The following BOD1L1 variants were observed in gnomAD, a reference collection of about 807,000 sequenced individuals.
BOD1L1 encodes the protein biorientation of chromosomes in cell division 1 like 1, also known as biorientation of chromosomes in cell division protein 1-like 1.
A neutral mutation model predicts 240.7 loss-of-function variants in BOD1L1; 86 were observed. The observed-to-expected ratio is 0.36, with a 90% CI of 0.30 to 0.43. The LOEUF (loss-of-function observed/expected upper bound fraction) is 0.43. Among genes scored for constraint, BOD1L1 ranks in the 20% least tolerant of loss-of-function variants. The pLI is 1.00. For synonymous variants in BOD1L1, 1,268 were observed against 1,272.3 expected, an observed-to-expected ratio of 1.00 and a Z score of 0.07; for missense variants, 3,554 against 3,643.5, an observed-to-expected ratio of 0.98 and a Z score of 0.63.
chr4:13,577,779 A>C (rs1712889250), intron 22 of BOD1L1, 148 bp from the exon 23 acceptor site: 1 of 610,486 alleles, frequency 1.6e-6, no homozygotes, highest in African/African-American at 1.9e-5. Flanking sequence ...CAAAGATAGA[A>C]TCAGAATACC....
rs1364006580 is a variant in BOD1L1, at chr4:13,614,766, T to A, written c.604A>T (p.Met202Leu). The change falls in exon 4 of 26, where the codon ATG becomes TTG. Residue 202 changes from methionine to leucine, a missense_variant. Physicochemically the swap from Met to Leu is conservative, Grantham distance 15 (BLOSUM62 2). Coordinates refer to ENST00000040738, the MANE Select transcript of BOD1L1 (RefSeq NM_148894.3). ...GAAGTTATGGTTTCCAATATCGACA[T>A]GGCATCATTGGCTACATTAGCACTG... ...GPSANVANDA[M>L]SILETITSLN... 4 of 1,613,600 alleles carry A rather than the reference T, an allele frequency of 2.5e-6. No homozygotes were observed. Among genetic ancestry groups the A allele is most frequent in the Non-Finnish European group, 3.4e-6 (4 of 1,179,804 alleles).
Position 13,614,490 on chromosome 4 carries a change from T to C in BOD1L1, c.880A>G (p.Thr294Ala), listed in dbSNP as rs1375295762. Residue 294 changes from threonine (T) to alanine (A), a missense_variant, in exon 4 of 26, where the codon ACA becomes GCA. Thr to Ala is a moderately conservative substitution (Grantham distance 58). Coordinates refer to ENST00000040738, the MANE Select transcript of BOD1L1 (RefSeq NM_148894.3). ...AGAATTAAATTATTATGCTCTTTTG[T>C]GTAATTTTTAATTTCTTCGACTGGA... ...PCPVEEIKNY[T>A]KEHNNLILLN... is the part of the protein sequence containing the mutation. 6.2e-6 allele frequency: 10 copies of C among 1,613,778 alleles called. No homozygotes were observed. The highest frequency in any genetic ancestry group is 8.5e-6 in the Non-Finnish European group (10 of 1,179,864).
chr4:13,599,767 A>AG lies in BOD1L1; in HGVS notation c.7132dup (p.Leu2378ProfsTer4). 6.2e-7 allele frequency: 1 copy of AG among 1,613,980 alleles called. No homozygotes were observed. Among genetic ancestry groups the AG allele is most frequent in the Non-Finnish European group, 8.5e-7 (1 of 1,179,880 alleles). ...ACACCGACAGTTATTCTCAGCAATT[A>AG]GGCTGGGCATGGGGACCTTGTGCTT... On this transcript the variant is annotated frameshift_variant, in exon 10 of 26. Coordinates refer to ENST00000040738, the MANE Select transcript of BOD1L1 (RefSeq NM_148894.3). LOFTEE classifies it high-confidence loss of function.
rs1200994307 is a variant in BOD1L1 at position 13,600,733 on chromosome 4, G to A, written c.6167C>T (p.Thr2056Ile). 1 of 1,613,924 alleles carries A rather than the reference G, an allele frequency of 6.2e-7. No individual in the cohort carries two copies. Among genetic ancestry groups the A allele is most frequent in the Non-Finnish European group, 8.5e-7 (1 of 1,179,854 alleles). ...LMATTASGDITNQNSLAGGKN... is the reference protein window; with the variant it reads ...LMATTASGDIINQNSLAGGKN... ...ACCCCCTGCTAAGCTATTCTGGTTG[G>A]TAATATCACCACTGGCTGTAGTTGC... Residue 2056 changes from threonine (T) to isoleucine (I), a missense_variant, in exon 10 of 26, where the codon ACC (threonine) becomes ATC (isoleucine). Thr to Ile is a moderately conservative substitution (Grantham distance 89). Around this residue, in one of 2 missense-constraint regions of BOD1L1, gnomAD observed 3,393 missense variants for 3,427.1 expected, o/e 0.99. Transcript: ENST00000040738.
Position 13,614,213 on chromosome 4 carries a change from A to G in BOD1L1, c.1157T>C (p.Val386Ala), listed in dbSNP as rs1716393906. Reference sequence around the variant, plus strand: ...TTATATACCTTCTTTTGTCCCTTCAACAGTTTTAGCTTTATTACTGTTCTT... The same window carrying G: ...TTATATACCTTCTTTTGTCCCTTCAGCAGTTTTAGCTTTATTACTGTTCTT... ...SEKNSNKAKT[V>A]EGTKEDFSLI... The change falls in exon 4 of 26, where the codon GTT (valine) becomes GCT (alanine). Residue 386 changes from valine to alanine, a missense_variant. Val to Ala is a moderately conservative substitution (Grantham distance 64). Transcript: ENST00000040738. The G allele has an allele frequency of 5.3e-6, 8 of 1,509,854 alleles. No individual in the cohort carries two copies. The highest frequency in any genetic ancestry group is 7.1e-6 in the Non-Finnish European group (8 of 1,133,938). The allele number at this position is 1,509,854 out of a possible 1,614,324, so 93.5% of individuals were successfully genotyped here. A position where few individuals can be genotyped will look rare whatever the true frequency, so the allele number is the denominator to read the frequency against.
chr4:13,614,680 A>G lies in BOD1L1; in HGVS notation c.690T>C (p.Ser230=). Residue 230 remains serine (S), a synonymous_variant, in exon 4 of 26, where the codon AGT becomes AGC. Transcript: ENST00000040738. The stretch of plus-strand genomic sequence containing the variant: ...ATGGAAGTTTTTTTGACGCTCTCTC[A>G]CTGGTCTTGGCATTTGATGTTTCTG... ...ASTETSNAKT[S]ERASKKLPSQ... 6.2e-7 allele frequency: 1 copy of G among 1,613,870 alleles called. No homozygotes were observed. Among genetic ancestry groups the G allele is most frequent in the Non-Finnish European group, 8.5e-7 (1 of 1,179,850 alleles).
Position 13,619,927 on chromosome 4 carries a change from T to C in BOD1L1, c.368+16A>G, listed in dbSNP as rs747185633. 7 of 1,611,642 alleles carry C rather than the reference T, an allele frequency of 4.3e-6. No individual in the cohort carries two copies. In the East Asian group the frequency reaches 6.7e-5, roughly 15 times the overall value. On this transcript the variant is annotated intron_variant, in intron 2 of 25. Coordinates refer to ENST00000040738, the MANE Select transcript of BOD1L1 (RefSeq NM_148894.3). ...GACATTTAAAACCTGCCCAGAACTC[T>C]ATCTCTGAGACTTACTTGAGGACTT...
In BOD1L1 at chr4:13,610,068, G is replaced by T. The variant is rs148885943; in HGVS notation, c.1492-662C>A. ...GGCTAATCACTACTAGCATTTTGGG[G>T]TAGTTTCTTCAAATCATTTTCCTAT... is the stretch of plus-strand genomic sequence containing the variant. On this transcript the variant is annotated intron_variant, in intron 6 of 25. Coordinates refer to ENST00000040738, the MANE Select transcript of BOD1L1 (RefSeq NM_148894.3). 2.4e-3 allele frequency among the ~76,000 whole-genome samples: 366 copies of T among 152,252 alleles called. 1 individual carries two copies. Among genetic ancestry groups the T allele is most frequent in the African/African-American group, 7.8e-3 (324 of 41,560 alleles).
intron 5 of BOD1L1, among the ~76,000 whole-genome samples, chr4:13,612,397 A>G (rs1413818540): frequency 6.6e-6 from 1 of 152,184 alleles, no homozygotes; most frequent in Non-Finnish European, 1.5e-5. Flanking sequence ...GCAACATAAG[A>G]TATTGGTAAG....
In BOD1L1 at chr4:13,600,194, C is replaced by T. The variant is rs1204641116; in HGVS notation, c.6706G>A (p.Val2236Ile). Residue 2236 changes from valine (V) to isoleucine (I), a missense_variant, in exon 10 of 26, where the codon GTT (valine) becomes ATT (isoleucine). By Grantham distance (29) the Val-to-Ile change is conservative. Around this residue, in one of 2 missense-constraint regions of BOD1L1, gnomAD observed 3,393 missense variants for 3,427.1 expected, o/e 0.99. Transcript: ENST00000040738. ...ECEASVSGVV[V>I]ESENERAGTV... ...CCAGCTCGCTCATTTTCACTTTCAA[C>T]AACTACACCGGAAACAGAAGCCTCA... The T allele has an allele frequency of 6.2e-7, 1 of 1,613,956 alleles. No homozygotes were observed. The highest frequency in any genetic ancestry group is 8.5e-7 in the Non-Finnish European group (1 of 1,179,886).
chr4:13,585,760 C>A (rs1713628472), intron 17 of BOD1L1, among the ~76,000 whole-genome samples: 1 of 152,112 alleles, frequency 6.6e-6, no homozygotes, highest in Admixed American at 6.6e-5. Context: ...CAGGTTTGTC[C>A]TGTGCTGTTC....
chr4:13,611,329 G>A (rs1327868013), intron 5 of BOD1L1, among the ~76,000 whole-genome samples: 2 of 152,276 alleles, frequency 1.3e-5, no homozygotes, highest in East Asian at 3.9e-4. Context: ...AGTTACTTAT[G>A]CTATTAAAAG....
chr4:13,618,895 T>G (rs1282285952), intron 2 of BOD1L1, among the ~76,000 whole-genome samples: 1 of 151,928 alleles, frequency 6.6e-6, no homozygotes, highest in African/African-American at 2.4e-5. Flanking sequence ...CACTTCATTC[T>G]CAAAGATGTA....
rs1054840504 is a variant in BOD1L1 at position 13,603,549 on chromosome 4, T to C, written c.3351A>G (p.Gln1117=). The C allele has an allele frequency of 1.2e-6, 2 of 1,613,934 alleles. No individual in the cohort carries two copies. Among genetic ancestry groups the C allele is most frequent in the African/African-American group, 2.7e-5 (2 of 74,950 alleles). ...KSGDMTLIPE[Q]EPMEIDSEPG... ...GCTCAGAATCAATTTCCATTGGCTC[T>C]TGTTCAGGGATCAATGTCATATCAC... The change falls in exon 10 of 26, where the codon CAA becomes CAG. Residue 1117 remains glutamine (Q), a synonymous_variant. Coordinates refer to ENST00000040738, the MANE Select transcript of BOD1L1 (RefSeq NM_148894.3).
chr4:13,593,199 G>A (rs1714354371), intron 12 of BOD1L1: 2 of 152,094 alleles, frequency 1.3e-5, no homozygotes, highest in Admixed American at 1.3e-4. Context: ...TTTTGGATTA[G>A]GGATACTTAA....
rs905956144 is a variant in BOD1L1, at chr4:13,614,875, T to C, written c.560-65A>G. The C allele has an allele frequency of 1.3e-5, 18 of 1,438,976 alleles. No individual in the cohort carries two copies. In the African/African-American group the frequency reaches 2.4e-4, roughly 20 times the overall value. 89.1% of individuals were successfully genotyped at this position (1,438,976 alleles called of 1,614,324 possible). ...AAGGAAAATACCTCTGCTAAATCAATACCACATGCCATTGTCATCTTTATA... is the reference window on the plus strand; with the variant it reads ...AAGGAAAATACCTCTGCTAAATCAACACCACATGCCATTGTCATCTTTATA... On this transcript the variant is annotated intron_variant, in intron 3 of 25. Coordinates refer to ENST00000040738, the MANE Select transcript of BOD1L1 (RefSeq NM_148894.3).
At chr4:13,570,866 C>T (rs180883345) in intron 25 of BOD1L1, among the ~76,000 whole-genome samples, 2 of 152,228 alleles carry the variant, frequency 1.3e-5, no homozygotes, top group African/African-American at 4.8e-5. Context: ...TCTTTGGAAT[C>T]CCCCACAGAG....
rs770044304 is a variant in BOD1L1, at chr4:13,601,656, C to A, written c.5244G>T (p.Gly1748=). ...NFVICSVTGA[G]PREERMVTGA... is the part of the protein sequence containing the mutation. ...CTGTAACCATGCGTTCCTCCCGGGGCCCTGCTCCAGTTACTGAGCAGATCA... is the reference window on the plus strand; with the variant it reads ...CTGTAACCATGCGTTCCTCCCGGGGACCTGCTCCAGTTACTGAGCAGATCA... Residue 1748 remains glycine (G), a synonymous_variant, in exon 10 of 26, where the codon GGG becomes GGT. Coordinates refer to ENST00000040738, the MANE Select transcript of BOD1L1 (RefSeq NM_148894.3). 2.5e-6 allele frequency: 4 copies of A among 1,613,994 alleles called. No homozygotes were observed. In the South Asian group the frequency reaches 3.3e-5, roughly 13 times the overall value.
At chr4:13,587,583 CT>C in intron 16 of BOD1L1, 115 bp downstream of exon 16, 1 of 742,604 alleles carries the variant, frequency 1.3e-6, no homozygotes, top group Non-Finnish European at 2.2e-6. Flanking sequence ...AGCCTCAAGA[CT>C]TGTAAAGTAG....
Sources: gnomAD v4.1 joint callset for allele counts (sites outside exome capture counted in the v4.1 genomes callset) on GRCh38, gnomAD v4.1.1 for gene constraint, gnomAD v4.1.1 regional missense constraint, MANE v1.5 for transcripts, NCBI Gene and HGNC (gene_info 2026-07-23, HGNC 2026-07-21) for gene names.